Variants in RHOBTB1 observed in about 807,000 individuals in gnomAD.
RHOBTB1 encodes Rho related BTB domain containing 1, also known as rho-related BTB domain-containing protein 1.
Under a neutral mutation model 71.6 loss-of-function variants are expected in RHOBTB1, and 40 were observed. The observed-to-expected ratio is 0.56, with a 90% confidence interval of 0.43 to 0.73. The LOEUF is 0.73. RHOBTB1 is among the 30% of genes least tolerant of loss of function. The pLI is 0.00. For missense variants in RHOBTB1, 797 were observed against 894.0 expected, an observed-to-expected ratio of 0.89 and a Z score of 1.38; for synonymous variants, 319 against 334.9, an observed-to-expected ratio of 0.95 and a Z score of 0.52.
chr10:60,981,506 C>T (rs1048922373), intron 2 of RHOBTB1, among the ~76,000 whole-genome samples: 4 of 152,136 alleles, frequency 2.6e-5, no homozygotes, highest in Admixed American at 6.5e-5. Flanking sequence ...CCTCAAAACT[C>T]TTGCATTAAC....
At chr10:60,942,656 C>G (rs1353410652) in intron 1 of RHOBTB1, among the ~76,000 whole-genome samples, 1 of 152,164 alleles carries the variant, frequency 6.6e-6, no homozygotes, top group Non-Finnish European at 1.5e-5. Flanking sequence ...TTTCTAGCAA[C>G]CAGTGACTCT....
At chr10:60,895,733 T>C (rs182508103) in intron 4 of RHOBTB1, among the ~76,000 whole-genome samples, 2 of 152,380 alleles carry the variant, frequency 1.3e-5, no homozygotes, top group Admixed American at 1.3e-4. Flanking sequence ...TCACAATGCT[T>C]AAATGTCTTG....
chr10:60,953,429 G>A (rs1206987996), intron 2 of RHOBTB1, among the ~76,000 whole-genome samples: 1 of 152,056 alleles, frequency 6.6e-6, no homozygotes, highest in Non-Finnish European at 1.5e-5. Context: ...GCATTTGTGT[G>A]GAATGAATAC....
intron 7 of RHOBTB1, among the ~76,000 whole-genome samples, chr10:60,879,227 G>A (rs2081192393): frequency 6.6e-6 from 1 of 152,186 alleles, no homozygotes; most frequent in Admixed American, 6.5e-5. Flanking sequence ...TGCTGGAAAT[G>A]TTTAATGCCA....
chr10:60,864,332 G>GTTA, the RHOBTB1 span, among the ~76,000 whole-genome samples: 2 of 152,132 alleles, frequency 1.3e-5, no homozygotes, highest in African/African-American at 4.8e-5. Flanking sequence ...ACTCAAAAAT[G>GTTA]TTATTATTAT....
At chr10:60,863,813 A>T in the RHOBTB1 span, among the ~76,000 whole-genome samples, 1 of 152,270 alleles carries the variant, frequency 6.6e-6, no homozygotes, top group South Asian at 2.1e-4. Context: ...AATCACAGGC[A>T]TGATCCACTG....
At chr10:60,951,391 CCTT>C (rs2085403310) in intron 2 of RHOBTB1, among the ~76,000 whole-genome samples, 1 of 152,190 alleles carries the variant, frequency 6.6e-6, no homozygotes, top group African/African-American at 2.4e-5. Flanking sequence ...TCAATAATAT[CCTT>C]CTCTCTGCAC....
chr10:60,864,377 G>A, the RHOBTB1 span, among the ~76,000 whole-genome samples: 1 of 152,144 alleles, frequency 6.6e-6, no homozygotes, highest in Non-Finnish European at 1.5e-5. Flanking sequence ...TTGGACTCTG[G>A]TAGAGTGGTG....
intron 2 of RHOBTB1, among the ~76,000 whole-genome samples, chr10:60,917,098 A>G (rs1197475570): frequency 6.6e-6 from 1 of 152,242 alleles, no homozygotes; most frequent in Non-Finnish European, 1.5e-5. Context: ...GATTTTCAGA[A>G]CTATAAGAAA....
Position 60,888,773 on chromosome 10 carries a change from C to T in RHOBTB1, c.895G>A (p.Glu299Lys). 1.2e-6 allele frequency: 2 copies of T among 1,614,190 alleles called. No homozygotes were observed. Among genetic ancestry groups the T allele is most frequent in the Non-Finnish European group, 1.7e-6 (2 of 1,180,038 alleles). ...CTCCCATTTGGGGATTCTTCACATT[C>T]CATTAAAAACAGATCATAAAATTTG... The part of the protein sequence containing the change: ...SSKFYDLFLM[E>K]CEESPNGSEG... The change falls in exon 6 of 11, where the codon GAA (glutamate) becomes AAA (lysine). Residue 299 changes from glutamate (E) to lysine (K), a missense_variant. By Grantham distance (56) the Glu-to-Lys change is moderately conservative (BLOSUM62 1). This residue lies in a region of RHOBTB1 where 658 missense variants were observed against 681.5 expected (regional missense o/e 0.97). Transcript: ENST00000337910.
At position 60,888,192 on chromosome 10, in the gene RHOBTB1, C is replaced by A. The variant is rs1214609185; in HGVS notation, c.1456+20G>T. On this transcript the variant is annotated intron_variant, in intron 6 of 10. Transcript: ENST00000337910. ...AACACAATCAAAGGTATTAATGGCT[C>A]TGCCCCGCGGCCCACTCACCCGAGA... The A allele has an allele frequency of 1.2e-6, 2 of 1,600,082 alleles. No homozygotes were observed. Among genetic ancestry groups the A allele is most frequent in the East Asian group, 4.5e-5 (2 of 44,724 alleles).
At chr10:61,001,743 G>A (rs1183093112), upstream of RHOBTB1, among the ~76,000 whole-genome samples, 3 of 152,194 alleles carry the variant, frequency 2.0e-5, no homozygotes, top group Non-Finnish European at 4.4e-5. Flanking sequence ...CCGCTGGCGC[G>A]TGGGGCTCCT....
At chr10:60,951,872 C>T (rs1226123640) in intron 2 of RHOBTB1, among the ~76,000 whole-genome samples, 2 of 151,998 alleles carry the variant, frequency 1.3e-5, no homozygotes, top group Non-Finnish European at 2.9e-5. Flanking sequence ...GCCTGGTCAA[C>T]ATGATGAAAC....
chr10:60,918,186 C>A (rs983793130), intron 2 of RHOBTB1, among the ~76,000 whole-genome samples: 1 of 152,194 alleles, frequency 6.6e-6, no homozygotes, highest in Non-Finnish European at 1.5e-5. Context: ...CCTTTCTTGA[C>A]TACCCCTCTG....
chr10:61,001,705 G>C (rs1282789247), upstream of RHOBTB1, among the ~76,000 whole-genome samples: 2 of 152,064 alleles, frequency 1.3e-5, no homozygotes, highest in East Asian at 3.9e-4. Context: ...GCCCTGGGCC[G>C]CCTCCCCCCG....
At position 60,888,823 on chromosome 10, in the gene RHOBTB1, C is replaced by T. The variant is rs201980179; in HGVS notation, c.845G>A (p.Arg282Gln). Reference sequence around the variant, plus strand: ...GGAAGAAGAGGTAGCGAGGTAAATTCGATGTGCAAAGATGTGTTCCTGGTC... The same window carrying T: ...GGAAGAAGAGGTAGCGAGGTAAATTTGATGTGCAAAGATGTGTTCCTGGTC... Reference protein sequence around the residue: ...LQDQEHIFAHRIYLATSSSKF... With the variant: ...LQDQEHIFAHQIYLATSSSKF... The change falls in exon 6 of 11, where the codon CGA becomes CAA. Residue 282 changes from arginine (R) to glutamine (Q), a missense_variant. Physicochemically the swap from Arg to Gln is conservative, Grantham distance 43. Around this residue, in one of 2 missense-constraint regions of RHOBTB1, gnomAD observed 658 missense variants for 681.5 expected, o/e 0.97. Transcript: ENST00000337910. The T allele has an allele frequency of 3.1e-5, 50 of 1,614,012 alleles. No homozygotes were observed. The highest frequency in any genetic ancestry group is 1.1e-4 in the East Asian group (5 of 44,892).
rs113254310 is a variant in RHOBTB1, at chr10:60,925,996, C to T, written c.-10-14444G>A. On this transcript the variant is annotated intron_variant, in intron 2 of 10. Coordinates refer to ENST00000337910, the MANE Select transcript of RHOBTB1 (RefSeq NM_014836.5). ...CCGTAATCCTAGCACTTTGTGGGGC[C>T]GAGGCGGGCAGATCACTTGAGGTCA... 6.4e-4 allele frequency among the ~76,000 whole-genome samples: 98 copies of T among 152,166 alleles called. 1 individual carries two copies. The highest frequency in any genetic ancestry group is 5.6e-3 in the Admixed American group (85 of 15,296).
Position 60,911,341 on chromosome 10 carries a change from T to C in RHOBTB1, c.192+10A>G. 1.2e-6 allele frequency: 2 copies of C among 1,602,252 alleles called. No homozygotes were observed. The highest frequency in any genetic ancestry group is 1.7e-6 in the Non-Finnish European group (2 of 1,170,236). Reference sequence around the variant, plus strand: ...CCCTAGGGATGCTGAAGACACTCTGTGCATCTTACCTCCTGGCACACGCGG... The same window carrying C: ...CCCTAGGGATGCTGAAGACACTCTGCGCATCTTACCTCCTGGCACACGCGG... On this transcript the variant is annotated intron_variant, in intron 3 of 10. Transcript: ENST00000337910.
Position 60,888,450 on chromosome 10 carries a change from G to A in RHOBTB1, c.1218C>T (p.Val406=), listed in dbSNP as rs759679361. 1.2e-6 allele frequency: 2 copies of A among 1,614,066 alleles called. No homozygotes were observed. Among genetic ancestry groups the A allele is most frequent in the African/African-American group, 1.3e-5 (1 of 74,926 alleles). The change falls in exon 6 of 11, where the codon GTC becomes GTT. Residue 406 remains valine (V), a synonymous_variant. Transcript: ENST00000337910. ...GCAGGGTCCGAAAAGGGCCTGGCTG[G>A]ACTGAAGCGTCCATCCTGACCACAG... is the stretch of plus-strand genomic sequence containing the variant. ...PMTVVRMDAS[V]QPGPFRTLLQ... is the part of the protein sequence containing the mutation.
Sources: allele counts gnomAD v4.1 joint callset (sites outside exome capture counted in the v4.1 genomes callset), GRCh38; gene constraint gnomAD v4.1.1; regional missense constraint gnomAD v4.1.1; transcripts MANE v1.5; gene names NCBI Gene and HGNC (gene_info 2026-07-23, HGNC 2026-07-21).